The following SUSD4 variants were observed in gnomAD, a reference collection of about 807,000 sequenced individuals.
SUSD4 encodes the protein sushi domain containing 4.
A neutral mutation model predicts 50.5 loss-of-function variants in SUSD4; 41 were observed. That is an observed-to-expected ratio of 0.81 (90% CI 0.63 to 1.05). The LOEUF (loss-of-function observed/expected upper bound fraction) is 1.05. Ranked by LOEUF, SUSD4 falls within the 50% of genes least tolerant of loss-of-function variation. The pLI, the probability that SUSD4 is intolerant of heterozygous loss-of-function variation, is 0.00. For missense variants in SUSD4, 580 were observed against 634.7 expected (o/e 0.91, Z 0.93); for synonymous variants, 257 against 257.3 (o/e 1.00, Z 0.01).
Position 223,223,397 on chromosome 1 carries a change from G to T in SUSD4, c.1296C>A (p.Ser432Arg), listed in dbSNP as rs1011331001. 2 of 1,613,800 alleles carry T rather than the reference G, an allele frequency of 1.2e-6. No homozygotes were observed. The highest frequency in any genetic ancestry group is 1.7e-6 in the Non-Finnish European group (2 of 1,179,848). ...GGAGCAGCTCAGAAGAGCCTGAGAC[G>T]CTGTCACAGGTTTCTGACTCCCCTG... ...TGPGESETCDSVSGSSELLQS... is the reference protein window; with the variant it reads ...TGPGESETCDRVSGSSELLQS... Residue 432 changes from serine (S) to arginine (R), a missense_variant, in exon 8 of 9, where the codon AGC becomes AGA. Transcript: ENST00000366878.
At chr1:223,331,260 T>C (rs1055433918) in intron 2 of SUSD4, among the ~76,000 whole-genome samples, 8 of 152,170 alleles carry the variant, frequency 5.3e-5, no homozygotes, top group African/African-American at 1.9e-4. Flanking sequence ...TTAGATTCAA[T>C]TTGGGGGCGC....
chr1:223,333,591 C>T (rs998719932), intron 2 of SUSD4, among the ~76,000 whole-genome samples: 4 of 152,260 alleles, frequency 2.6e-5, no homozygotes, highest in South Asian at 2.1e-4. Flanking sequence ...GTCTCTGCTT[C>T]TTTAGAAAAT....
intron 5 of SUSD4, among the ~76,000 whole-genome samples, chr1:223,239,797 T>A (rs1409546783): frequency 6.6e-6 from 1 of 152,094 alleles, no homozygotes; most frequent in African/African-American, 2.4e-5. Flanking sequence ...TTATTTTGAA[T>A]AAACTGTTAT....
At chr1:223,226,053 T>C (rs1198550083) in intron 7 of SUSD4, among the ~76,000 whole-genome samples, 1 of 152,202 alleles carries the variant, frequency 6.6e-6, no homozygotes, top group African/African-American at 2.4e-5. Context: ...AACATCTTAA[T>C]ATTTAGTGGA....
chr1:223,346,431 C>T lies in SUSD4; in HGVS notation c.148+16847G>A, dbSNP rs76112098. Among the ~76,000 whole-genome samples, 885 of 152,228 alleles carry T rather than the reference C, an allele frequency of 5.8e-3. 29 individuals are homozygous for T. In the East Asian group the frequency reaches 0.061, roughly 10 times the overall value. On this transcript the variant is annotated intron_variant, in intron 2 of 8. Coordinates refer to ENST00000366878, the MANE Select transcript of SUSD4 (RefSeq NM_017982.4). The stretch of plus-strand genomic sequence containing the variant: ...TTGGGCTAGGGTTCAAGGCGTACTG[C>T]AGAAAGAAGGTCAAAGAGGAAAAGC...
intron 5 of SUSD4, among the ~76,000 whole-genome samples, chr1:223,236,764 A>G (rs930320072): frequency 2.0e-5 from 3 of 152,090 alleles, no homozygotes; most frequent in Non-Finnish European, 4.4e-5. Flanking sequence ...TAGCATTATG[A>G]TAAGTCTTGA....
rs763823037 is a variant in SUSD4, at chr1:223,268,679, C to T, written c.362-4G>A. 4 of 1,607,408 alleles carry T rather than the reference C, an allele frequency of 2.5e-6. No individual in the cohort carries two copies. Among genetic ancestry groups the T allele is most frequent in the South Asian group, 1.1e-5 (1 of 89,458 alleles). On this transcript the variant is annotated splice_region_variant and splice_polypyrimidine_tract_variant and intron_variant, in intron 3 of 8. Transcript: ENST00000366878. ...TCGATTTGAGGGATACGGCAATCTG[C>T]AATTTTGTAAAAGGTACACATTATT...
intron 6 of SUSD4, among the ~76,000 whole-genome samples, chr1:223,228,480 C>T (rs575261715): frequency 2.6e-5 from 4 of 152,138 alleles, no homozygotes; most frequent in Non-Finnish European, 5.9e-5. Flanking sequence ...GCATCCCCAG[C>T]CTGGAAAGGG....
intron 2 of SUSD4, among the ~76,000 whole-genome samples, chr1:223,355,479 A>G (rs1668610766): frequency 6.6e-6 from 1 of 152,096 alleles, no homozygotes; most frequent in African/African-American, 2.4e-5. Context: ...TTCGCCTCCC[A>G]AAGTGCTGAG....
chr1:223,258,077 T>G (rs1260495549), intron 5 of SUSD4, among the ~76,000 whole-genome samples: 2 of 152,086 alleles, frequency 1.3e-5, no homozygotes, highest in Non-Finnish European at 2.9e-5. Flanking sequence ...GAGGCCTGGA[T>G]TCTCTGCTGT....
At chr1:223,230,367 A>T (rs1454014601) in intron 5 of SUSD4, among the ~76,000 whole-genome samples, 1 of 152,002 alleles carries the variant, frequency 6.6e-6, no homozygotes, top group Admixed American at 6.5e-5. Flanking sequence ...CCACACTCAC[A>T]GAAACCAGTA....
intron 5 of SUSD4, among the ~76,000 whole-genome samples, chr1:223,257,781 C>T (rs765041018): frequency 3.9e-5 from 6 of 152,178 alleles, no homozygotes; most frequent in Non-Finnish European, 7.3e-5. Flanking sequence ...AGAGACCCTG[C>T]GTCTCCCCCA....
chr1:223,343,025 G>A (rs541349113), intron 2 of SUSD4, among the ~76,000 whole-genome samples: 1 of 152,220 alleles, frequency 6.6e-6, no homozygotes, highest in East Asian at 1.9e-4. Flanking sequence ...AACAGACAAA[G>A]AACATAAGCC....
Position 223,221,078 on chromosome 1 carries a change from A to T in SUSD4, c.*1114T>A. On this transcript the variant is annotated 3_prime_UTR_variant, in exon 9 of 9. Transcript: ENST00000366878. ...AACAACACCCAGTGGGCATGATGAGACCCTCAAAGTAGGAATGCAGGAATG... is the reference window on the plus strand; with the variant it reads ...AACAACACCCAGTGGGCATGATGAGTCCCTCAAAGTAGGAATGCAGGAATG... The T allele has an allele frequency of 2.5e-6, 1 of 400,862 alleles. No individual in the cohort carries two copies. The highest frequency in any genetic ancestry group is 4.4e-6 in the Non-Finnish European group (1 of 226,266). The allele number at this position is 400,862 out of a possible 1,614,324, so 24.8% of individuals were successfully genotyped here.
At chr1:223,275,717 C>T (rs1207580038) in intron 3 of SUSD4, among the ~76,000 whole-genome samples, 2 of 152,214 alleles carry the variant, frequency 1.3e-5, no homozygotes, top group Middle Eastern at 3.4e-3. Context: ...CCAGCCCCCG[C>T]CCCCGGCAAT....
intron 5 of SUSD4, among the ~76,000 whole-genome samples, chr1:223,243,458 T>G (rs1014463953): frequency 6.6e-6 from 1 of 152,206 alleles, no homozygotes; most frequent in Admixed American, 6.5e-5. Flanking sequence ...CTGATTTTTT[T>G]CTGCAGGTGA....
At chr1:223,364,388 C>T (rs1188249758), upstream of SUSD4, among the ~76,000 whole-genome samples, 3 of 145,032 alleles carry the variant, frequency 2.1e-5, no homozygotes, top group East Asian at 4.1e-4. The surrounding 1 kb of genome is among the most constrained non-coding windows in gnomAD (Gnocchi z 4.5). Context: ...GGGGACGGGG[C>T]GAGGGGTGCG....
chr1:223,223,459 G>A lies in SUSD4; in HGVS notation c.1234C>T (p.Pro412Ser), dbSNP rs765697511. 2 of 1,614,006 alleles carry A rather than the reference G, an allele frequency of 1.2e-6. No individual in the cohort carries two copies. Among genetic ancestry groups the A allele is most frequent in the Admixed American group, 1.7e-5 (1 of 60,002 alleles). ...CPLPVDDQSP[P>S]AYPGSGDTDT... ...GTGTCCCCTGAGCCGGGGTATGCTGGGGGGCTCTGGTCGTCCACGGGTAAG... is the reference window on the plus strand; with the variant it reads ...GTGTCCCCTGAGCCGGGGTATGCTGAGGGGCTCTGGTCGTCCACGGGTAAG... The change falls in exon 8 of 9, where the codon CCA (proline) becomes TCA (serine). Residue 412 changes from proline to serine, a missense_variant. Coordinates refer to ENST00000366878, the MANE Select transcript of SUSD4 (RefSeq NM_017982.4).
At chr1:223,360,469 A>G (rs924097493) in intron 2 of SUSD4, among the ~76,000 whole-genome samples, 2 of 152,190 alleles carry the variant, frequency 1.3e-5, no homozygotes, top group African/African-American at 2.4e-5. Flanking sequence ...GACAAAAGAC[A>G]ACCTGGAGAG....
Sources: allele counts gnomAD v4.1 joint callset (sites outside exome capture counted in the v4.1 genomes callset), GRCh38; gene constraint gnomAD v4.1.1; non-coding constraint Gnocchi (gnomAD v3.1); transcripts MANE v1.5; gene names NCBI Gene and HGNC (gene_info 2026-07-23, HGNC 2026-07-21).